The following MARCO variants were observed in gnomAD, a reference collection of about 807,000 sequenced individuals.
The protein encoded by MARCO is macrophage receptor MARCO.
In MARCO, 72 loss-of-function variants were observed where a neutral mutation model predicts 70.0. The observed-to-expected ratio is 1.03, with a 90% CI of 0.85 to 1.25. The LOEUF (loss-of-function observed/expected upper bound fraction) is 1.25, where lower values mean the gene tolerates loss of function less well. Ranked by LOEUF, MARCO falls within the 50% of genes most tolerant of loss-of-function variation. The pLI is 0.00. For synonymous variants in MARCO, 273 were observed against 243.1 expected (o/e 1.12, Z -1.14); for missense variants, 696 against 659.3 (o/e 1.06, Z -0.61).
chr2:118,955,769 A>G (rs371516946), intron 1 of MARCO, among the ~76,000 whole-genome samples: 5 of 152,212 alleles, frequency 3.3e-5, no homozygotes, highest in African/African-American at 1.2e-4. Flanking sequence ...CAGAAACCCT[A>G]CAAGCTAGAA....
intron 1 of MARCO, among the ~76,000 whole-genome samples, chr2:118,944,397 G>A (rs1679558322): frequency 6.6e-6 from 1 of 152,176 alleles, no homozygotes; most frequent in African/African-American, 2.4e-5. Context: ...GGTAATCACT[G>A]TGAGGCTCTG....
At chr2:118,977,623 C>G in intron 7 of MARCO, 108 bp downstream of exon 7, 1 of 949,984 alleles carries the variant, frequency 1.1e-6, no homozygotes, top group East Asian at 2.6e-5. Flanking sequence ...CAGCCCCTGA[C>G]AGTTACTGCC....
intron 1 of MARCO, among the ~76,000 whole-genome samples, chr2:118,959,133 A>G (rs62157402): frequency 0.09 from 13,643 of 152,244 alleles, 828 homozygotes; most frequent in South Asian, 0.27. Flanking sequence ...AAAGATAAAT[A>G]GCTGGGACCT....
At chr2:118,969,065 G>GC in intron 1 of MARCO, 95 bp from the exon 2 acceptor site, 1 of 822,096 alleles carries the variant, frequency 1.2e-6, no homozygotes, top group South Asian at 1.4e-5. Flanking sequence ...CTCACAGGGT[G>GC]CCCCCTGCTC....
At chr2:118,956,386 A>T (rs1246907285) in intron 1 of MARCO, among the ~76,000 whole-genome samples, 1 of 152,216 alleles carries the variant, frequency 6.6e-6, no homozygotes, top group Non-Finnish European at 1.5e-5. Context: ...CAGAGGTTAA[A>T]AGAGACAAAA....
intron 4 of MARCO, among the ~76,000 whole-genome samples, chr2:118,973,884 A>G (rs574420965): frequency 6.6e-6 from 1 of 152,308 alleles, no homozygotes; most frequent in South Asian, 2.1e-4. Flanking sequence ...TGAGGATGAG[A>G]AGTCGCATAG....
intron 1 of MARCO, among the ~76,000 whole-genome samples, chr2:118,956,934 C>A (rs998625430): frequency 6.6e-6 from 1 of 152,056 alleles, no homozygotes. Context: ...TTTAAAAATT[C>A]TTTGAACTGA....
chr2:118,976,154 C>CT (rs1680279291), intron 6 of MARCO, among the ~76,000 whole-genome samples: 1 of 152,212 alleles, frequency 6.6e-6, no homozygotes, highest in Non-Finnish European at 1.5e-5. Flanking sequence ...CTTTAGGACT[C>CT]TGACAGGTAG....
intron 1 of MARCO, among the ~76,000 whole-genome samples, chr2:118,950,244 C>T (rs1490919374): frequency 1.3e-5 from 2 of 152,056 alleles, no homozygotes; most frequent in Non-Finnish European, 2.9e-5. Flanking sequence ...AATGTCTGAC[C>T]ATAAGGTAAG....
In MARCO at chr2:118,990,581, G is replaced by C; in HGVS notation, c.1064-8G>C. On this transcript the variant is annotated splice_polypyrimidine_tract_variant and splice_region_variant and intron_variant, in intron 12 of 16. Transcript: ENST00000327097. ...TCCTCCCCCCCCCCTTTTTTGTTTT[G>C]ATCTTAGGACTTCAAGGACAGCAAG... The C allele has an allele frequency of 1.0e-6, 1 of 979,062 alleles. No individual in the cohort carries two copies. Among genetic ancestry groups the C allele is most frequent in the South Asian group, 1.4e-5 (1 of 72,414 alleles). 60.6% of individuals were successfully genotyped at this position (979,062 alleles called of 1,614,324 possible).
intron 13 of MARCO, among the ~76,000 whole-genome samples, chr2:118,991,271 T>A (rs1472005334): frequency 6.6e-6 from 1 of 150,824 alleles, no homozygotes; most frequent in Admixed American, 6.6e-5. Flanking sequence ...TTTTTTCAAT[T>A]TTTTTAGAGA....
intron 8 of MARCO, among the ~76,000 whole-genome samples, chr2:118,980,172 C>G (rs1338790254): frequency 6.6e-6 from 1 of 152,236 alleles, no homozygotes; most frequent in Non-Finnish European, 1.5e-5. Flanking sequence ...ACAGATTCCT[C>G]CAGGGAAACA....
chr2:118,956,356 CA>C (rs1679837764), intron 1 of MARCO, among the ~76,000 whole-genome samples: 1 of 151,994 alleles, frequency 6.6e-6, no homozygotes, highest in Non-Finnish European at 1.5e-5. Flanking sequence ...TTATATCAGA[CA>C]AAACAATCTT....
At position 118,977,908 on chromosome 2, in the gene MARCO, G is replaced by A; in HGVS notation, c.739G>A (p.Gly247Arg). 6.2e-7 allele frequency: 1 copy of A among 1,609,850 alleles called. No individual in the cohort carries two copies. The highest frequency in any genetic ancestry group is 1.1e-5 in the South Asian group (1 of 89,948). Residue 247 changes from glycine (G) to arginine (R), a missense_variant, in exon 8 of 17, where the codon GGA (glycine) becomes AGA (arginine). Physicochemically the swap from Gly to Arg is moderately radical, Grantham distance 125. This residue lies in a region of MARCO where 605 missense variants were observed against 537.6 expected (regional missense o/e 1.13). Transcript: ENST00000327097. ...IGPKGETGTK[G>R]EKGDLGLPGS... ...CCCAAAAGGGGAAACTGGAACTAAG[G>A]GAGAGAAAGGAGACCTGGGTCTCCC...
At position 118,978,797 on chromosome 2, in the gene MARCO, A is replaced by G. The variant is rs570936741; in HGVS notation, c.766+862A>G. 5.9e-5 allele frequency among the ~76,000 whole-genome samples: 9 copies of G among 152,356 alleles called. No homozygotes were observed. In the East Asian group the frequency reaches 1.7e-3, roughly 29 times the overall value. The stretch of plus-strand genomic sequence containing the variant: ...CTGCAACATGATAGGCATTAAATAC[A>G]TGACAACTAGTAATAGGCATTAAAT... On this transcript the variant is annotated intron_variant, in intron 8 of 16. Transcript: ENST00000327097.
chr2:118,975,565 C>A (rs138142938), intron 6 of MARCO, among the ~76,000 whole-genome samples: 1 of 152,190 alleles, frequency 6.6e-6, no homozygotes, highest in East Asian at 1.9e-4. Context: ...AGGGTTTAAG[C>A]GGGGAGGATA....
At chr2:118,991,739 A>T (rs746635946) in intron 13 of MARCO, 38 bp from the exon 14 acceptor site, 14 of 1,342,364 alleles carry the variant, frequency 1.0e-5, no homozygotes, top group Non-Finnish European at 1.3e-5. Flanking sequence ...GGGAAGGCAA[A>T]GCAGGGCACC....
Position 118,994,634 on chromosome 2 carries a change from C to A in MARCO, c.*114C>A. On this transcript the variant is annotated 3_prime_UTR_variant, in exon 17 of 17. Coordinates refer to ENST00000327097, the MANE Select transcript of MARCO (RefSeq NM_006770.4). The stretch of plus-strand genomic sequence containing the variant: ...CAACTGAGCAGCCTCTGGAGAGGGG[C>A]CATTAATAAAGCTCAACATCATTGG... 1.9e-6 allele frequency: 2 copies of A among 1,056,864 alleles called. No individual in the cohort carries two copies. Among genetic ancestry groups the A allele is most frequent in the Non-Finnish European group, 1.3e-6 (1 of 744,108 alleles). 65.5% of individuals were successfully genotyped at this position (1,056,864 alleles called of 1,614,324 possible).
intron 8 of MARCO, among the ~76,000 whole-genome samples, chr2:118,980,291 G>T (rs1030606570): frequency 3.9e-5 from 6 of 152,166 alleles, no homozygotes; most frequent in African/African-American, 1.4e-4. Flanking sequence ...GTTATAGGAC[G>T]CCTCAGCCAT....
Sources: allele counts gnomAD v4.1 joint callset (sites outside exome capture counted in the v4.1 genomes callset), GRCh38; gene constraint gnomAD v4.1.1; regional missense constraint gnomAD v4.1.1; transcripts MANE v1.5; gene names NCBI Gene and HGNC (gene_info 2026-07-23, HGNC 2026-07-21).